SPATA16: variants seen among roughly 807,000 people sequenced by gnomAD.
SPATA16 encodes the protein spermatogenesis associated 16.
SPATA16 carries 36 observed loss-of-function variants against 63.3 expected under a neutral mutation model. The ratio of observed to expected loss-of-function variants is 0.57; its 90% CI spans 0.44 to 0.75. The LOEUF is 0.75. Ranked by LOEUF, SPATA16 falls within the 30% of genes least tolerant of loss-of-function variation. SPATA16 has a pLI of 0.00. For missense variants in SPATA16, 646 were observed against 679.3 expected (o/e 0.95, Z 0.54); for synonymous variants, 203 against 216.7 (o/e 0.94, Z 0.56).
At chr3:172,931,291 A>C (rs1467314242) in intron 6 of SPATA16, among the ~76,000 whole-genome samples, 1 of 152,146 alleles carries the variant, frequency 6.6e-6, no homozygotes, top group East Asian at 1.9e-4. Flanking sequence ...CTTATGCTGG[A>C]GTGCAGTAAT....
chr3:172,919,947 C>A (rs1296078506), intron 8 of SPATA16, among the ~76,000 whole-genome samples: 1 of 152,206 alleles, frequency 6.6e-6, no homozygotes, highest in African/African-American at 2.4e-5. Flanking sequence ...CCCACCTCGG[C>A]CTCCCAAAGT....
chr3:172,902,748 A>G (rs189566078), intron 10 of SPATA16, among the ~76,000 whole-genome samples: 8 of 152,336 alleles, frequency 5.3e-5, no homozygotes, highest in Non-Finnish European at 1.2e-4. Flanking sequence ...TCATTTCGGT[A>G]GAGTACACAT....
chr3:173,008,389 C>T (rs1411319375), intron 4 of SPATA16, among the ~76,000 whole-genome samples: 1 of 151,968 alleles, frequency 6.6e-6, no homozygotes, highest in African/African-American at 2.4e-5. Flanking sequence ...TTCAGTCTTC[C>T]ACTCTGTGGG....
intron 3 of SPATA16, among the ~76,000 whole-genome samples, chr3:173,028,334 A>G (rs985967626): frequency 1.3e-5 from 2 of 151,848 alleles, no homozygotes; most frequent in African/African-American, 2.4e-5. Flanking sequence ...TATGCTGGAT[A>G]ATAGCATCAT....
chr3:172,977,150 T>G (rs1734181844), intron 4 of SPATA16, 98 bp from the exon 5 acceptor site: 6 of 953,792 alleles, frequency 6.3e-6, no homozygotes, highest in Non-Finnish European at 9.8e-6. Flanking sequence ...AGGAAGATGA[T>G]TTTTAATGTA....
chr3:173,028,023 T>TTCCTTCCTTCCTTCC (rs1553794825), intron 3 of SPATA16, among the ~76,000 whole-genome samples: 1 of 36,682 alleles, frequency 2.7e-5, no homozygotes, highest in Non-Finnish European at 4.8e-5. Flanking sequence ...CCCTTCCTTC[T>TTCCTTCCTTCCTTCC]TTCCTTCCTT....
At chr3:172,899,639 G>A (rs1732082156) in intron 10 of SPATA16, among the ~76,000 whole-genome samples, 2 of 151,942 alleles carry the variant, frequency 1.3e-5, no homozygotes, top group African/African-American at 2.4e-5. Flanking sequence ...GAAATTATTG[G>A]TATGTTAGAC....
chr3:172,900,100 A>G (rs1012224788), intron 10 of SPATA16, among the ~76,000 whole-genome samples: 1 of 151,952 alleles, frequency 6.6e-6, no homozygotes. Context: ...TTCTTAAGCT[A>G]TTCTTTTTGG....
At chr3:173,083,790 C>T (rs941128872) in intron 2 of SPATA16, among the ~76,000 whole-genome samples, 3 of 152,134 alleles carry the variant, frequency 2.0e-5, no homozygotes, top group African/African-American at 7.2e-5. Flanking sequence ...GCTTCCAGCT[C>T]CATCCATGTC....
rs1201577106 is a variant in SPATA16 at position 172,938,833 on chromosome 3, A to AC, written c.1082-13342dup. 1.2e-3 allele frequency among the ~76,000 whole-genome samples: 35 copies of AC among 29,856 alleles called. No individual in the cohort carries two copies. The East Asian group carries it at 0.041, about 35-fold the overall frequency. The allele number at this position is 29,856 out of a possible 152,430, so 19.6% of individuals were successfully genotyped here. A position where few individuals can be genotyped will look rare whatever the true frequency, so the allele number is the denominator to read the frequency against. ...GTTTTTCAGAGATCCAGACCCCCCC[A>AC]CCCCCCCGCAACAAATGGATCCCCT... On this transcript the variant is annotated intron_variant, in intron 6 of 10. Transcript: ENST00000351008.
chr3:172,986,297 G>A (rs534489418), intron 4 of SPATA16, among the ~76,000 whole-genome samples: 2 of 152,270 alleles, frequency 1.3e-5, no homozygotes, highest in African/African-American at 4.8e-5. Context: ...GATCTAGGAA[G>A]AGATGTAAAT....
intron 1 of SPATA16, among the ~76,000 whole-genome samples, chr3:173,132,494 C>T (rs1738414207): frequency 6.6e-6 from 1 of 151,946 alleles, no homozygotes; most frequent in African/African-American, 2.4e-5. Flanking sequence ...CACTTGACTG[C>T]ATAAGACAAT....
chr3:173,095,792 G>A (rs192520349), intron 2 of SPATA16, among the ~76,000 whole-genome samples: 5 of 152,240 alleles, frequency 3.3e-5, no homozygotes, highest in Admixed American at 3.3e-4. Context: ...GGAATTAATA[G>A]AACTGTGCTA....
intron 6 of SPATA16, among the ~76,000 whole-genome samples, chr3:172,940,687 T>C (rs1178037747): frequency 1.3e-5 from 2 of 152,286 alleles, no homozygotes; most frequent in Admixed American, 6.5e-5. Context: ...TTAAAATAAA[T>C]GTTAAATTTA....
At chr3:173,011,929 T>C (rs1735083568) in intron 4 of SPATA16, among the ~76,000 whole-genome samples, 2 of 152,204 alleles carry the variant, frequency 1.3e-5, no homozygotes, top group Admixed American at 1.3e-4. Flanking sequence ...TCTTCCTGCC[T>C]TAGCCTACTG....
At chr3:173,042,087 G>A (rs1735854923) in intron 3 of SPATA16, among the ~76,000 whole-genome samples, 1 of 152,054 alleles carries the variant, frequency 6.6e-6, no homozygotes, top group Non-Finnish European at 1.5e-5. Context: ...AATGCTTTAA[G>A]CGAATATCAC....
chr3:173,105,901 G>A (rs935035601), intron 2 of SPATA16, among the ~76,000 whole-genome samples: 4 of 150,284 alleles, frequency 2.7e-5, no homozygotes, highest in African/African-American at 7.4e-5. Context: ...ATCTGGATAC[G>A]TAACAAAGTT....
chr3:172,916,680 A>G (rs1732497620), intron 8 of SPATA16, among the ~76,000 whole-genome samples, 199 bp from the exon 9 acceptor site: 1 of 152,154 alleles, frequency 6.6e-6, no homozygotes, highest in Non-Finnish European at 1.5e-5. Context: ...CATAAAAGGG[A>G]GTCCTTTGGA....
At chr3:172,890,605 C>T (rs1731874830) in intron 10 of SPATA16, among the ~76,000 whole-genome samples, 1 of 152,052 alleles carries the variant, frequency 6.6e-6, no homozygotes, top group Admixed American at 6.6e-5. Context: ...ATTTTGAGTT[C>T]CACTTTTAAA....
Sources: gnomAD v4.1 joint callset for allele counts (sites outside exome capture counted in the v4.1 genomes callset) on GRCh38, gnomAD v4.1.1 for gene constraint, MANE v1.5 for transcripts, NCBI Gene and HGNC (gene_info 2026-07-23, HGNC 2026-07-21) for gene names.